The following CDH12 variants were observed in gnomAD, a reference collection of about 807,000 sequenced individuals.
The protein encoded by CDH12 is cadherin 12.
A neutral mutation model predicts 74.1 loss-of-function variants in CDH12; 41 were observed. The observed-to-expected ratio is 0.55, with a 90% CI of 0.43 to 0.72. CDH12 has a LOEUF of 0.72. Ranked by LOEUF, CDH12 falls within the 30% of genes least tolerant of loss-of-function variation. The pLI, the probability that CDH12 is intolerant of heterozygous loss-of-function variation, is 0.00. For synonymous variants in CDH12, 399 were observed against 355.0 expected (o/e 1.12, Z -1.39); for missense variants, 945 against 977.2 (o/e 0.97, Z 0.44).
intron 4 of CDH12, among the ~76,000 whole-genome samples, chr5:22,152,767 A>G (rs1445097659): frequency 6.6e-6 from 1 of 151,816 alleles, no homozygotes; most frequent in Admixed American, 6.6e-5. Flanking sequence ...ATGTCTCCTC[A>G]CCCTACTCAC....
intron 4 of CDH12, among the ~76,000 whole-genome samples, chr5:22,084,216 A>C (rs897063085): frequency 2.0e-5 from 3 of 152,174 alleles, no homozygotes; most frequent in Non-Finnish European, 4.4e-5. Flanking sequence ...GAGGGTTTCC[A>C]ACTGTTCCAG....
chr5:22,821,978 A>G (rs1407261210), intron 1 of CDH12, among the ~76,000 whole-genome samples: 2 of 152,156 alleles, frequency 1.3e-5, no homozygotes, highest in Non-Finnish European at 1.5e-5. Flanking sequence ...CTGACTTCAA[A>G]CTATACTACA....
intron 1 of CDH12, among the ~76,000 whole-genome samples, chr5:22,549,362 C>CT (rs369084416): frequency 1.7e-4 from 26 of 148,760 alleles, no homozygotes; most frequent in South Asian, 4.2e-4. Context: ...TTATCTTTTC[C>CT]TTTTTTTTTT....
At chr5:21,841,399 C>T (rs1366566916) in intron 8 of CDH12, among the ~76,000 whole-genome samples, 1 of 151,724 alleles carries the variant, frequency 6.6e-6, no homozygotes, top group African/African-American at 2.4e-5. Flanking sequence ...AACACTTTTA[C>T]ACTGTTGGTG....
At chr5:22,509,114 A>G (rs566893491) in intron 1 of CDH12, among the ~76,000 whole-genome samples, 4 of 152,320 alleles carry the variant, frequency 2.6e-5, no homozygotes, top group African/African-American at 9.6e-5. Context: ...AAATATATAC[A>G]CACAATGAAA....
At chr5:22,368,085 T>C (rs920721545) in intron 3 of CDH12, among the ~76,000 whole-genome samples, 4 of 152,148 alleles carry the variant, frequency 2.6e-5, no homozygotes, top group East Asian at 1.9e-4. Context: ...TATAGACATA[T>C]GTTAAGGCAA....
chr5:22,232,957 C>A (rs554680720), intron 3 of CDH12, among the ~76,000 whole-genome samples: 1 of 149,872 alleles, frequency 6.7e-6, no homozygotes, highest in Non-Finnish European at 1.5e-5. Flanking sequence ...ATCGAATAAC[C>A]ATATAATTGT....
intron 3 of CDH12, among the ~76,000 whole-genome samples, chr5:22,253,216 T>G (rs2150388757): frequency 6.6e-6 from 1 of 152,108 alleles, no homozygotes; most frequent in South Asian, 2.1e-4. Flanking sequence ...TATGACATTT[T>G]AATAATAATA....
At chr5:21,911,391 A>G (rs1753851677) in intron 6 of CDH12, among the ~76,000 whole-genome samples, 2 of 152,088 alleles carry the variant, frequency 1.3e-5, no homozygotes, top group Non-Finnish European at 1.5e-5. Flanking sequence ...ATTTTTTATT[A>G]TTGATGGCTT....
At chr5:22,446,926 A>G (rs1744839322) in intron 2 of CDH12, among the ~76,000 whole-genome samples, 1 of 152,114 alleles carries the variant, frequency 6.6e-6, no homozygotes. Context: ...TATTTGTTGC[A>G]GCTACTCCTA....
chr5:21,793,549 A>G lies in CDH12; in HGVS notation c.1256+8618T>C, dbSNP rs182476432. 2.9e-3 allele frequency among the ~76,000 whole-genome samples: 434 copies of G among 151,814 alleles called. 3 individuals carry two copies. The highest frequency in any genetic ancestry group is 0.01 in the African/African-American group (418 of 41,518). On this transcript the variant is annotated intron_variant, in intron 10 of 14. Transcript: ENST00000382254. Reference sequence around the variant, plus strand: ...ATAACTATTTTGTTGAACTAAGTCCAGTGCCTGTTATTCCAAGTCACCACT... The same window carrying G: ...ATAACTATTTTGTTGAACTAAGTCCGGTGCCTGTTATTCCAAGTCACCACT...
chr5:22,031,763 A>G (rs1348866179), intron 5 of CDH12, among the ~76,000 whole-genome samples: 1 of 152,166 alleles, frequency 6.6e-6, no homozygotes, highest in Non-Finnish European at 1.5e-5. Flanking sequence ...AACACACATA[A>G]CATTTATGGA....
chr5:21,958,803 A>G (rs1443267711), intron 6 of CDH12, among the ~76,000 whole-genome samples: 1 of 152,160 alleles, frequency 6.6e-6, no homozygotes, highest in Non-Finnish European at 1.5e-5. Flanking sequence ...CATGAATTTT[A>G]AAACAGTTGT....
chr5:22,104,024 G>A (rs1377792829), intron 4 of CDH12, among the ~76,000 whole-genome samples: 1 of 152,086 alleles, frequency 6.6e-6, no homozygotes, highest in East Asian at 1.9e-4. Flanking sequence ...ATTAAACAAA[G>A]CAACAGTCTC....
At chr5:22,722,893 G>C (rs755083708) in intron 1 of CDH12, among the ~76,000 whole-genome samples, 3 of 152,186 alleles carry the variant, frequency 2.0e-5, no homozygotes, top group Non-Finnish European at 4.4e-5. Context: ...AGCAAAGTGT[G>C]TAATTCTGCT....
intron 5 of CDH12, among the ~76,000 whole-genome samples, chr5:22,071,023 A>G (rs975528341): frequency 1.3e-5 from 2 of 152,118 alleles, no homozygotes; most frequent in Non-Finnish European, 2.9e-5. Context: ...TAATGCATGC[A>G]GGCCTTAATA....
At chr5:22,788,939 G>T (rs549988420) in intron 1 of CDH12, among the ~76,000 whole-genome samples, 3 of 151,650 alleles carry the variant, frequency 2.0e-5, no homozygotes, top group African/African-American at 7.3e-5. Flanking sequence ...ACAGAATCAT[G>T]CATATACCAT....
intron 5 of CDH12, among the ~76,000 whole-genome samples, chr5:21,980,991 C>T (rs1339647884): frequency 6.6e-6 from 1 of 152,122 alleles, no homozygotes; most frequent in Admixed American, 6.6e-5. Flanking sequence ...AAACCATACT[C>T]TTTCTTTTCC....
intron 1 of CDH12, among the ~76,000 whole-genome samples, chr5:22,733,922 T>G (rs1744559506): frequency 6.6e-6 from 1 of 151,874 alleles, no homozygotes. Context: ...GACTTACAGT[T>G]GTGAAGACTG....
Sources: allele counts gnomAD v4.1 joint callset (sites outside exome capture counted in the v4.1 genomes callset), GRCh38; gene constraint gnomAD v4.1.1; transcripts MANE v1.5; gene names NCBI Gene and HGNC (gene_info 2026-07-23, HGNC 2026-07-21).